Variants in ASCC3 observed in about 807,000 individuals in gnomAD.
The protein encoded by ASCC3 is ASC-1 complex subunit P200.
ASCC3 carries 158 observed loss-of-function variants against 256.3 expected under a neutral mutation model. That is an observed-to-expected ratio of 0.62 (90% CI 0.54 to 0.70). The LOEUF is 0.70. Among genes scored for constraint, ASCC3 ranks in the 30% least tolerant of loss-of-function variants. The probability of loss-of-function intolerance (pLI) is 0.00; values close to 1 mark genes in which losing one functional copy is unlikely to be tolerated. For missense variants in ASCC3, 2,259 were observed against 2,626.0 expected (o/e 0.86, Z 3.05); for synonymous variants, 948 against 883.4 (o/e 1.07, Z -1.30).
intron 13 of ASCC3, among the ~76,000 whole-genome samples, chr6:100,701,474 C>G (rs1253009960): frequency 1.3e-5 from 2 of 152,092 alleles, no homozygotes; most frequent in Non-Finnish European, 2.9e-5. Context: ...AAACCTCTTC[C>G]TTGTGTAAAT....
At chr6:100,725,210 A>AT (rs1430984229) in intron 11 of ASCC3, among the ~76,000 whole-genome samples, 1 of 152,010 alleles carries the variant, frequency 6.6e-6, no homozygotes, top group Non-Finnish European at 1.5e-5. Flanking sequence ...TATTTTCTAT[A>AT]TATGTACAAT....
At chr6:100,611,316 T>A (rs1054568820) in intron 30 of ASCC3, among the ~76,000 whole-genome samples, 5 of 152,230 alleles carry the variant, frequency 3.3e-5, no homozygotes, top group South Asian at 2.1e-4. Flanking sequence ...AAAGCAAAAT[T>A]TATAGCTGTT....
At chr6:100,723,878 A>ATATATATTTATAAT (rs1554220107) in intron 11 of ASCC3, among the ~76,000 whole-genome samples, 68 of 132,382 alleles carry the variant, frequency 5.1e-4, no homozygotes, top group South Asian at 9.1e-4. Flanking sequence ...ATATATATAT[A>ATATATATTTATAAT]TATATATATA....
chr6:100,619,333 A>C (rs1188010942), intron 30 of ASCC3, among the ~76,000 whole-genome samples: 2 of 152,228 alleles, frequency 1.3e-5, no homozygotes, highest in African/African-American at 4.8e-5. Context: ...TTGGATGAAC[A>C]AACAAAATGT....
At position 100,783,172 on chromosome 6, in the gene ASCC3, A is replaced by G. The variant is rs185056740; in HGVS notation, c.1395+15541T>C. Among the ~76,000 whole-genome samples, 5 of 152,300 alleles carry G rather than the reference A, an allele frequency of 3.3e-5. No homozygotes were observed. In the East Asian group the frequency reaches 9.7e-4, roughly 29 times the overall value. On this transcript the variant is annotated intron_variant, in intron 8 of 41. Coordinates refer to ENST00000369162, the MANE Select transcript of ASCC3 (RefSeq NM_006828.4). Reference sequence around the variant, plus strand: ...GAATTCTACCCTTTAGAAACAAAATAGTAAGTTAAATTACTCTTCTCATGC... The same window carrying G: ...GAATTCTACCCTTTAGAAACAAAATGGTAAGTTAAATTACTCTTCTCATGC...
chr6:100,860,431 T>C (rs1412091209), intron 3 of ASCC3, among the ~76,000 whole-genome samples: 2 of 151,208 alleles, frequency 1.3e-5, no homozygotes, highest in Non-Finnish European at 3.0e-5. Context: ...AATTGTGGGG[T>C]TGGGGGTGAG....
intron 13 of ASCC3, among the ~76,000 whole-genome samples, chr6:100,689,701 A>G (rs72941282): frequency 9.2e-5 from 14 of 152,328 alleles, no homozygotes; most frequent in Admixed American, 3.9e-4. Context: ...CTTTCCATTC[A>G]CACCTTTATT....
intron 8 of ASCC3, among the ~76,000 whole-genome samples, chr6:100,784,702 T>C (rs1007944281): frequency 6.6e-6 from 1 of 151,876 alleles, no homozygotes; most frequent in African/African-American, 2.4e-5. Context: ...GTTGGGACTA[T>C]AAAGACATTT....
intron 36 of ASCC3, among the ~76,000 whole-genome samples, chr6:100,555,282 A>G (rs1219045898): frequency 2.6e-5 from 4 of 152,182 alleles, no homozygotes; most frequent in Admixed American, 6.5e-5. Flanking sequence ...ATAAGTACTA[A>G]TGTCTATCAT....
chr6:100,643,189 AC>A (rs1166574508), intron 23 of ASCC3, among the ~76,000 whole-genome samples: 1 of 152,192 alleles, frequency 6.6e-6, no homozygotes, highest in Non-Finnish European at 1.5e-5. Flanking sequence ...AGCAATGAAT[AC>A]AAAACGCTGC....
intron 37 of ASCC3, among the ~76,000 whole-genome samples, chr6:100,534,341 A>G (rs1283012169): frequency 6.6e-6 from 1 of 152,244 alleles, no homozygotes; most frequent in African/African-American, 2.4e-5. Context: ...ATTTATCATT[A>G]GTTCTGGTTT....
At chr6:100,759,107 TG>T (rs1781319059) in intron 10 of ASCC3, among the ~76,000 whole-genome samples, 1 of 152,224 alleles carries the variant, frequency 6.6e-6, no homozygotes, top group Admixed American at 6.5e-5. Flanking sequence ...CTTGTAAATA[TG>T]TTTAAGTTCC....
intron 36 of ASCC3, among the ~76,000 whole-genome samples, chr6:100,578,946 A>G (rs1306507809): frequency 6.6e-6 from 1 of 152,124 alleles, no homozygotes; most frequent in Non-Finnish European, 1.5e-5. Context: ...TTCTACTAGC[A>G]GTGTATAAAT....
At chr6:100,612,168 A>G (rs886792145) in intron 30 of ASCC3, among the ~76,000 whole-genome samples, 2 of 152,010 alleles carry the variant, frequency 1.3e-5, no homozygotes, top group African/African-American at 4.8e-5. Context: ...TATTTATTAT[A>G]CTCAAAAAGC....
intron 4 of ASCC3, among the ~76,000 whole-genome samples, chr6:100,806,920 TA>T (rs1770213317): frequency 6.6e-6 from 1 of 151,924 alleles, no homozygotes; most frequent in Non-Finnish European, 1.5e-5. Flanking sequence ...CAAATCCTCC[TA>T]ATACTACTTT....
At chr6:100,576,017 C>T (rs1367563644) in intron 36 of ASCC3, among the ~76,000 whole-genome samples, 1 of 152,004 alleles carries the variant, frequency 6.6e-6, no homozygotes, top group African/African-American at 2.4e-5. Context: ...GTCCTTTTCC[C>T]TCAGGATTTT....
intron 30 of ASCC3, among the ~76,000 whole-genome samples, chr6:100,619,075 G>T (rs1469263263): frequency 1.3e-5 from 2 of 152,204 alleles, no homozygotes; most frequent in African/African-American, 4.8e-5. Flanking sequence ...GCAGGATGAG[G>T]TGTAGCCTCT....
At chr6:100,724,970 T>G (rs1779556813) in intron 11 of ASCC3, among the ~76,000 whole-genome samples, 1 of 152,024 alleles carries the variant, frequency 6.6e-6, no homozygotes, top group Non-Finnish European at 1.5e-5. Flanking sequence ...TTCCCACTAG[T>G]AATCGGCAGT....
At chr6:100,610,049 G>A (rs1200593384) in intron 30 of ASCC3, among the ~76,000 whole-genome samples, 1 of 152,168 alleles carries the variant, frequency 6.6e-6, no homozygotes, top group Non-Finnish European at 1.5e-5. Flanking sequence ...TTAAGACCAA[G>A]TGATTTGAGA....
Sources: gnomAD v4.1 joint callset for allele counts (sites outside exome capture counted in the v4.1 genomes callset) on GRCh38, gnomAD v4.1.1 for gene constraint, MANE v1.5 for transcripts, NCBI Gene and HGNC (gene_info 2026-07-23, HGNC 2026-07-21) for gene names.